The following PCDHA2 variants were observed in gnomAD, a reference collection of about 807,000 sequenced individuals.
PCDHA2 encodes the protein protocadherin alpha-2.
PCDHA2 carries 58 observed loss-of-function variants against 66.0 expected under a neutral mutation model. The ratio of observed to expected loss-of-function variants is 0.88; its 90% CI spans 0.71 to 1.09. PCDHA2 has a LOEUF of 1.09. PCDHA2 is among the 50% of genes least tolerant of loss of function. The probability of loss-of-function intolerance (pLI) is 0.00; values close to 1 mark genes in which losing one functional copy is unlikely to be tolerated. For missense variants in PCDHA2, 1,267 were observed against 1,242.3 expected, an observed-to-expected ratio of 1.02 and a Z score of -0.30; for synonymous variants, 634 against 554.0, an observed-to-expected ratio of 1.14 and a Z score of -2.03.
At chr5:140,969,337 AC>A in intron 1 of PCDHA2, 1 of 1,613,970 alleles carries the variant, frequency 6.2e-7, no homozygotes, top group East Asian at 2.2e-5. Flanking sequence ...ATGAGGTGAG[AC>A]AGTGGTCAGG....
chr5:140,854,948 T>C (rs1417243571), intron 1 of PCDHA2, among the ~76,000 whole-genome samples: 4 of 150,034 alleles, frequency 2.7e-5, no homozygotes, highest in Middle Eastern at 3.5e-3. Flanking sequence ...AATAATAAAT[T>C]TCTTAATTAC....
intron 1 of PCDHA2, among the ~76,000 whole-genome samples, chr5:140,898,910 C>G (rs1313149642): frequency 6.6e-6 from 1 of 152,040 alleles, no homozygotes; most frequent in African/African-American, 2.4e-5. Context: ...CTTCACGTCC[C>G]TTGTAAGTTG....
intron 1 of PCDHA2, among the ~76,000 whole-genome samples, chr5:140,820,018 G>T (rs1766670311): frequency 6.6e-6 from 1 of 151,780 alleles, no homozygotes; most frequent in Non-Finnish European, 1.5e-5. Flanking sequence ...TTATTCCATA[G>T]CTTTGTAGTT....
chr5:140,869,766 G>A (rs782388204), intron 1 of PCDHA2: 2 of 1,613,210 alleles, frequency 1.2e-6, no homozygotes, highest in Non-Finnish European at 1.7e-6. Flanking sequence ...GAAAACCAGA[G>A]CTTACTGGCA....
chr5:140,850,540 C>T, intron 1 of PCDHA2: 1 of 1,598,246 alleles, frequency 6.3e-7, no homozygotes, highest in Non-Finnish European at 8.6e-7. Flanking sequence ...TCGTCGCGGG[C>T]GTCAGTGGGT....
chr5:140,809,194 TGTG>T, intron 1 of PCDHA2: 1 of 1,613,998 alleles, frequency 6.2e-7, no homozygotes, highest in East Asian at 2.2e-5. Flanking sequence ...TGGTGTCACT[TGTG>T]GAGAGTGGAC....
intron 3 of PCDHA2, among the ~76,000 whole-genome samples, chr5:141,000,419 A>ATTTT (rs1563652468): frequency 3.0e-4 from 18 of 60,988 alleles, no homozygotes; most frequent in East Asian, 5.4e-4. Context: ...ATATATATAT[A>ATTTT]TATTTTTTTT....
At chr5:140,973,442 A>G (rs1230315099) in intron 1 of PCDHA2, among the ~76,000 whole-genome samples, 4 of 152,274 alleles carry the variant, frequency 2.6e-5, no homozygotes, top group Non-Finnish European at 5.9e-5. Context: ...TGGTCACTTT[A>G]TAATGACTGG....
chr5:140,815,646 A>G (rs1765773592), intron 1 of PCDHA2: 1 of 152,016 alleles, frequency 6.6e-6, no homozygotes, highest in South Asian at 2.1e-4. Context: ...TTCTGTTTTT[A>G]TCTATATATT....
chr5:140,802,773 G>T, intron 1 of PCDHA2: 3 of 1,613,086 alleles, frequency 1.9e-6, no homozygotes, highest in Non-Finnish European at 1.7e-6. Flanking sequence ...GCTGGACCAC[G>T]AGGAGCTAGA....
chr5:140,809,086 A>C (rs781838833), intron 1 of PCDHA2: 4 of 1,613,938 alleles, frequency 2.5e-6, no homozygotes, highest in Non-Finnish European at 2.5e-6. Context: ...AGATCAGCAC[A>C]ACGCGTGCCC....
intron 1 of PCDHA2, chr5:140,821,697 A>G: frequency 7.1e-7 from 1 of 1,400,570 alleles, no homozygotes; most frequent in East Asian, 2.3e-5. Context: ...TAAAAAATAT[A>G]TAGTTAATTG....
intron 1 of PCDHA2, chr5:140,929,247 T>G (rs2085977234): frequency 1.9e-6 from 3 of 1,613,780 alleles, no homozygotes. Flanking sequence ...ATCTTGCCAC[T>G]GGGGTAGGAC....
rs1241604273 is a variant in PCDHA2, at chr5:140,841,714, A to G, written c.2388+44362A>G. ...TGAAGGATGTTAATGACAACCCGCC[A>G]GTGTTCCGGGTAAAAGACCAAAAGC... On this transcript the variant is annotated intron_variant, in intron 1 of 3. Coordinates refer to ENST00000526136, the MANE Select transcript of PCDHA2 (RefSeq NM_018905.3). The G allele has an allele frequency of 2.5e-6, 4 of 1,613,762 alleles. No individual in the cohort carries two copies. In the African/African-American group the frequency reaches 4.0e-5, roughly 16 times the overall value.
At chr5:140,951,589 C>A (rs2094605772) in intron 1 of PCDHA2, among the ~76,000 whole-genome samples, 1 of 152,088 alleles carries the variant, frequency 6.6e-6, no homozygotes, top group Admixed American at 6.5e-5. Flanking sequence ...TTCACGAGAT[C>A]TCTCTCACTG....
chr5:140,952,832 G>A (rs560488815), intron 1 of PCDHA2, among the ~76,000 whole-genome samples: 1 of 152,226 alleles, frequency 6.6e-6, no homozygotes, highest in African/African-American at 2.4e-5. Context: ...GCATGATGCT[G>A]GCCATCTGCT....
rs2055991111 is a variant in PCDHA2 at position 140,875,957 on chromosome 5, T to C, written c.2388+78605T>C. 1.1e-5 allele frequency: 17 copies of C among 1,614,050 alleles called. No individual in the cohort carries two copies. The highest frequency in any genetic ancestry group is 1.4e-5 in the Non-Finnish European group (16 of 1,180,000). ...CTAGAGGGCGCTTCTGATGCGGATA[T>C]CGGCGTAAACTCTCTTTTGACCTAT... On this transcript the variant is annotated intron_variant, in intron 1 of 3. Coordinates refer to ENST00000526136, the MANE Select transcript of PCDHA2 (RefSeq NM_018905.3).
At chr5:140,872,573 C>T (rs1400699707) in intron 1 of PCDHA2, among the ~76,000 whole-genome samples, 1 of 152,068 alleles carries the variant, frequency 6.6e-6, no homozygotes, top group African/African-American at 2.4e-5. Flanking sequence ...GCTGCAGTGA[C>T]CTATCATCGT....
rs1246166621 is a variant in PCDHA2 at position 140,856,524 on chromosome 5, C to A, written c.2388+59172C>A. On this transcript the variant is annotated intron_variant, in intron 1 of 3. Coordinates refer to ENST00000526136, the MANE Select transcript of PCDHA2 (RefSeq NM_018905.3). ...TTTCCACTAGAAGGCGCATCTGATG[C>A]GGATGTTGGAGAGAACGCATTGCTT... The A allele has an allele frequency of 7.5e-6, 12 of 1,598,178 alleles. 1 individual carries two copies. The Middle Eastern group carries it at 1.2e-3, about 155-fold the overall frequency.
Sources: allele counts gnomAD v4.1 joint callset (sites outside exome capture counted in the v4.1 genomes callset), GRCh38; gene constraint gnomAD v4.1.1; transcripts MANE v1.5; gene names NCBI Gene and HGNC (gene_info 2026-07-23, HGNC 2026-07-21).